The following SLC25A12 variants were observed in gnomAD, a reference collection of about 807,000 sequenced individuals.
SLC25A12 encodes solute carrier family 25 member 12.
Under a neutral mutation model 83.3 loss-of-function variants are expected in SLC25A12, and 32 were observed. The observed-to-expected ratio is 0.38, with a 90% CI of 0.29 to 0.52. The LOEUF (loss-of-function observed/expected upper bound fraction) is 0.52, where lower values mean the gene tolerates loss of function less well. SLC25A12 is among the 20% of genes least tolerant of loss of function. The probability of loss-of-function intolerance (pLI) is 0.84; values close to 1 mark genes in which losing one functional copy is unlikely to be tolerated. For missense variants in SLC25A12, 611 were observed against 835.6 expected (o/e 0.73, Z 3.31); for synonymous variants, 267 against 291.1 (o/e 0.92, Z 0.84).
At chr2:171,882,915 G>T (rs940586953) in intron 2 of SLC25A12, among the ~76,000 whole-genome samples, 2 of 152,170 alleles carry the variant, frequency 1.3e-5, no homozygotes, top group Non-Finnish European at 1.5e-5. Flanking sequence ...CAGACTGAGC[G>T]AATGAAGTTT....
At chr2:171,868,656 T>A (rs766937380) in intron 3 of SLC25A12, 25 bp downstream of exon 3, 1 of 1,610,806 alleles carries the variant, frequency 6.2e-7, no homozygotes, top group African/African-American at 1.3e-5. Context: ...ACATTAGTTT[T>A]CAGAAAATGC....
intron 2 of SLC25A12, chr2:171,871,918 C>CA (rs34494239): frequency 0.29 from 26,452 of 91,720 alleles, 4,616 homozygotes; most frequent in East Asian, 0.57. Context: ...GACCCTGTCT[C>CA]AAAAAAAAAA....
intron 10 of SLC25A12, among the ~76,000 whole-genome samples, chr2:171,813,915 G>A (rs1372932869): frequency 2.0e-5 from 3 of 152,072 alleles, no homozygotes; most frequent in East Asian, 1.9e-4. Flanking sequence ...TACACTAGGT[G>A]GCTACGATTT....
At chr2:171,787,121 C>T (rs979464656) in intron 17 of SLC25A12, among the ~76,000 whole-genome samples, 19 of 152,092 alleles carry the variant, frequency 1.2e-4, no homozygotes, top group Admixed American at 3.9e-4. Flanking sequence ...TGGTGGAGTT[C>T]GAGACCAGCC....
Position 171,810,247 on chromosome 2 carries a change from G to A in SLC25A12, c.1201C>T (p.Pro401Ser). ...ACAGTCAGTTTAATGGCCTTTTCTGGAGCAACCCCTATAAGTTGTGGTATC... is the reference window on the plus strand; with the variant it reads ...ACAGTCAGTTTAATGGCCTTTTCTGAAGCAACCCCTATAAGTTGTGGTATC... The part of the protein sequence containing the change: ...GLIPQLIGVA[P>S]EKAIKLTVND... The change falls in exon 12 of 18, where the codon CCA becomes TCA. Residue 401 changes from proline (P) to serine (S), a missense_variant. By Grantham distance (74) the Pro-to-Ser change is moderately conservative. Around this residue, in one of 3 missense-constraint regions of SLC25A12, gnomAD observed 540 missense variants for 777.5 expected, o/e 0.69. Coordinates refer to ENST00000422440, the MANE Select transcript of SLC25A12 (RefSeq NM_003705.5). 2 of 1,613,502 alleles carry A rather than the reference G, an allele frequency of 1.2e-6. No homozygotes were observed. The highest frequency in any genetic ancestry group is 8.5e-7 in the Non-Finnish European group (1 of 1,179,592).
At chr2:171,844,694 A>T (rs984598620) in intron 4 of SLC25A12, among the ~76,000 whole-genome samples, 186 bp from the exon 5 acceptor site, 5 of 152,248 alleles carry the variant, frequency 3.3e-5, no homozygotes, top group African/African-American at 1.2e-4. Flanking sequence ...TACAAAAAAT[A>T]TAATTTTACA....
At chr2:171,888,577 G>C (rs1261005435) in intron 2 of SLC25A12, among the ~76,000 whole-genome samples, 1 of 151,938 alleles carries the variant, frequency 6.6e-6, no homozygotes, top group Non-Finnish European at 1.5e-5. Flanking sequence ...TAGTAGCTGA[G>C]ATTACAGGCG....
rs1195015937 is a variant in SLC25A12, at chr2:171,850,336, TG to T, written c.325+5497del. Among the ~76,000 whole-genome samples, 401 of 113,080 alleles carry T rather than the reference TG, an allele frequency of 3.5e-3. 13 individuals are homozygous for T. Among genetic ancestry groups the T allele is most frequent in the Non-Finnish European group, 6.0e-3 (312 of 51,856 alleles). The allele number at this position is 113,080 out of a possible 152,430, so 74.2% of individuals were successfully genotyped here. On this transcript the variant is annotated intron_variant, in intron 4 of 17. Transcript: ENST00000422440. ...TCACCATGTTGGCCAGGCTGGTCTT[TG>T]TTTTTTTTTTTTTTTTTTTTTTTTT...
At chr2:171,836,689 T>C (rs983825440) in intron 6 of SLC25A12, among the ~76,000 whole-genome samples, 1 of 152,120 alleles carries the variant, frequency 6.6e-6, no homozygotes, top group East Asian at 1.9e-4. Flanking sequence ...TAGCAAGACC[T>C]TGGGAGCCCG....
At chr2:171,792,587 G>A (rs1683502136) in intron 14 of SLC25A12, among the ~76,000 whole-genome samples, 3 of 151,148 alleles carry the variant, frequency 2.0e-5, no homozygotes, top group Admixed American at 6.6e-5. Flanking sequence ...GTGTGAGCCA[G>A]TGCTCCCAGC....
At chr2:171,861,404 TTTA>T (rs1685156493) in intron 3 of SLC25A12, among the ~76,000 whole-genome samples, 1 of 95,146 alleles carries the variant, frequency 1.1e-5, no homozygotes, top group East Asian at 1.1e-3. Context: ...GTTCCAGAAT[TTTA>T]TTTATTTATT....
intron 2 of SLC25A12, among the ~76,000 whole-genome samples, chr2:171,890,149 T>C (rs1236521858): frequency 6.6e-6 from 1 of 152,256 alleles, no homozygotes; most frequent in Non-Finnish European, 1.5e-5. Flanking sequence ...GTTGTCTCTC[T>C]TGATATTCGA....
chr2:171,793,889 C>CTTTTT, intron 13 of SLC25A12, 122 bp from the exon 14 acceptor site: 1 of 1,128,662 alleles, frequency 8.9e-7, no homozygotes, highest in Non-Finnish European at 1.3e-6. Context: ...GTGAAACTTC[C>CTTTTT]TTCCTCAGGG....
intron 5 of SLC25A12, among the ~76,000 whole-genome samples, chr2:171,841,290 G>A (rs1573974661): frequency 6.6e-6 from 1 of 152,230 alleles, no homozygotes; most frequent in Non-Finnish European, 1.5e-5. Context: ...ATGTTGGCCA[G>A]GCTGATCTTG....
intron 2 of SLC25A12, among the ~76,000 whole-genome samples, chr2:171,889,477 C>T (rs1685887390): frequency 6.6e-6 from 1 of 152,156 alleles, no homozygotes; most frequent in Admixed American, 6.5e-5. Flanking sequence ...CAGCTTATCA[C>T]CTAAGCTACT....
At chr2:171,877,318 G>A (rs1685592526) in intron 2 of SLC25A12, among the ~76,000 whole-genome samples, 1 of 152,136 alleles carries the variant, frequency 6.6e-6, no homozygotes, top group Non-Finnish European at 1.5e-5. Context: ...GGAATAAACT[G>A]GATAGCAATA....
chr2:171,881,142 C>CTTTTTTTTTTTTTT (rs201576623), intron 2 of SLC25A12, among the ~76,000 whole-genome samples: 7 of 151,840 alleles, frequency 4.6e-5, no homozygotes, highest in African/African-American at 1.7e-4. Context: ...CCCATATTTT[C>CTTTTTTTTTTTTTT]TTTTTTTGTT....
chr2:171,862,537 G>A (rs1421622848), intron 3 of SLC25A12, among the ~76,000 whole-genome samples: 1 of 152,180 alleles, frequency 6.6e-6, no homozygotes, highest in East Asian at 1.9e-4. Context: ...CTGGGGGAAA[G>A]GAGATGGGGA....
intron 1 of SLC25A12, among the ~76,000 whole-genome samples, chr2:171,893,481 C>G (rs529464916): frequency 6.6e-6 from 1 of 152,306 alleles, no homozygotes; most frequent in East Asian, 1.9e-4. Context: ...GCAAAGCTAT[C>G]GGACAGTGCT....
Sources: allele counts gnomAD v4.1 joint callset (sites outside exome capture counted in the v4.1 genomes callset), GRCh38; gene constraint gnomAD v4.1.1; regional missense constraint gnomAD v4.1.1; transcripts MANE v1.5; gene names NCBI Gene and HGNC (gene_info 2026-07-23, HGNC 2026-07-21).